DMTN: variants seen among roughly 807,000 people sequenced by gnomAD.
The protein encoded by DMTN is dematin.
Under a neutral mutation model 59.4 loss-of-function variants are expected in DMTN, and 27 were observed. That is an observed-to-expected ratio of 0.45 (90% CI 0.33 to 0.63). The LOEUF is 0.63. Ranked by LOEUF, DMTN falls within the 20% of genes least tolerant of loss-of-function variation. DMTN has a pLI of 0.02. For synonymous variants in DMTN, 221 were observed against 203.7 expected, an observed-to-expected ratio of 1.08 and a Z score of -0.72; for missense variants, 451 against 528.9, an observed-to-expected ratio of 0.85 and a Z score of 1.45.
upstream of DMTN, among the ~76,000 whole-genome samples, chr8:22,049,722 CCTCA>C (rs1251586010): frequency 2.0e-5 from 3 of 152,082 alleles, no homozygotes; most frequent in Non-Finnish European, 2.9e-5. Context: ...TTTCCCCTTC[CCTCA>C]CTGAGTCCTC....
Position 22,060,411 on chromosome 8 carries a change from T to TGG in DMTN, c.-172+3275_-172+3276insGG, listed in dbSNP as rs1200720994. Among the ~76,000 whole-genome samples, 4 of 142,664 alleles carry TGG rather than the reference T, an allele frequency of 2.8e-5. No homozygotes were observed. Among genetic ancestry groups the TGG allele is most frequent in the African/African-American group, 1.1e-4 (4 of 36,664 alleles). 93.6% of individuals were successfully genotyped at this position (142,664 alleles called of 152,430 possible). On this transcript the variant is annotated intron_variant, in intron 1 of 15. Transcript: ENST00000358242. The surrounding 1 kb of genome is among the most constrained non-coding windows in gnomAD (Gnocchi z 5.0). Reference sequence around the variant, plus strand: ...CTCTCTCTCTTTCTCTCTTTCTGTCTCGCTCTCTCTCTCTCTCTCTCCCCC... The same window carrying TGG: ...CTCTCTCTCTTTCTCTCTTTCTGTCTGGCGCTCTCTCTCTCTCTCTCTCCCCC...
upstream of DMTN, chr8:22,055,411 G>C: frequency 6.6e-6 from 1 of 152,378 alleles, no homozygotes; most frequent in East Asian, 1.9e-4. Flanking sequence ...CTTCCCCTCT[G>C]TCTCTCAGAC....
At chr8:22,054,398 G>C (rs1312145091), upstream of DMTN, among the ~76,000 whole-genome samples, 2 of 152,132 alleles carry the variant, frequency 1.3e-5, no homozygotes. Flanking sequence ...CAGGTGGAAT[G>C]AGAGAGGGTT....
chr8:22,061,780 A>ATC (rs1359660008), intron 1 of DMTN, among the ~76,000 whole-genome samples: 1 of 144,504 alleles, frequency 6.9e-6, no homozygotes, highest in Non-Finnish European at 1.5e-5. Flanking sequence ...TGGAGACAGA[A>ATC]TCTCACTCTG....
At chr8:22,081,283 G>A in intron 15 of DMTN, 67 bp from the exon 16 acceptor site, 1 of 1,596,686 alleles carries the variant, frequency 6.3e-7, no homozygotes, top group Non-Finnish European at 8.6e-7. Context: ...ATGAGTGAGT[G>A]TCCCCTAGGT....
In DMTN at chr8:22,066,720, C is replaced by T; in HGVS notation, c.-156C>T. Reference sequence around the variant, plus strand: ...CTCCCCGCAGCCTGGAGAGTCACCGCCGAGGGATGAGGACGCGCCAGCCCG... The same window carrying T: ...CTCCCCGCAGCCTGGAGAGTCACCGTCGAGGGATGAGGACGCGCCAGCCCG... On this transcript the variant is annotated 5_prime_UTR_variant, in exon 2 of 16. Transcript: ENST00000358242. The T allele has an allele frequency of 1.3e-6, 1 of 772,112 alleles. No individual in the cohort carries two copies. The highest frequency in any genetic ancestry group is 1.7e-6 in the Non-Finnish European group (1 of 575,058). The allele number at this position is 772,112 out of a possible 1,614,324, so 47.8% of individuals were successfully genotyped here.
chr8:22,064,459 C>T (rs1808907722), intron 1 of DMTN, among the ~76,000 whole-genome samples: 1 of 151,694 alleles, frequency 6.6e-6, no homozygotes, highest in African/African-American at 2.4e-5. Flanking sequence ...CTCTGATGGC[C>T]AGAGGTTTTT....
chr8:22,072,260 G>A, intron 8 of DMTN, 66 bp from the exon 9 acceptor site: 2 of 1,530,742 alleles, frequency 1.3e-6, no homozygotes, highest in African/African-American at 1.4e-5. Flanking sequence ...CAGAGGCTGT[G>A]CCATGTAAAC....
chr8:22,076,618 C>CTATA (rs749317570), intron 10 of DMTN, among the ~76,000 whole-genome samples: 7 of 147,900 alleles, frequency 4.7e-5, no homozygotes, highest in Admixed American at 6.8e-5. Flanking sequence ...ATATATGTCA[C>CTATA]TATATATATA....
rs1002196441 is a variant in DMTN at position 22,060,460 on chromosome 8, C to G, written c.-172+3324C>G. ...CCTCACACATGCGCACGCACACACA[C>G]ATATACACACACTCTTCTCCACCCC... On this transcript the variant is annotated intron_variant, in intron 1 of 15. Transcript: ENST00000358242. This position sits in a 1 kb window ranked among gnomAD's most constrained non-coding sequence, Gnocchi z 5.0. 6.6e-6 allele frequency among the ~76,000 whole-genome samples: 1 copy of G among 152,176 alleles called. No individual in the cohort carries two copies. Among genetic ancestry groups the G allele is most frequent in the African/African-American group, 2.4e-5 (1 of 41,432 alleles).
upstream of DMTN, among the ~76,000 whole-genome samples, chr8:22,052,463 G>A (rs73545537): frequency 0.021 from 3,158 of 152,222 alleles, 58 homozygotes; most frequent in African/African-American, 0.05. Context: ...AGACGTGGGT[G>A]GGGCGGGGGC....
At chr8:22,051,503 G>A (rs1054912433), upstream of DMTN, among the ~76,000 whole-genome samples, 2 of 152,042 alleles carry the variant, frequency 1.3e-5, no homozygotes, top group Admixed American at 6.6e-5. Flanking sequence ...AGCCCCAAGC[G>A]CTTGCTATGG....
At chr8:22,050,563 G>A (rs1277306904), upstream of DMTN, among the ~76,000 whole-genome samples, 1 of 133,284 alleles carries the variant, frequency 7.5e-6, no homozygotes, top group South Asian at 2.7e-4. Flanking sequence ...CCCCGGTACC[G>A]ACAGGCCTCT....
chr8:22,071,465 G>A (rs1020761790), intron 8 of DMTN, among the ~76,000 whole-genome samples: 4 of 151,900 alleles, frequency 2.6e-5, no homozygotes, highest in African/African-American at 9.7e-5. Context: ...CGAGATCTCG[G>A]CTCACTGCAA....
Position 22,069,453 on chromosome 8 carries a change from C to T in DMTN, c.329C>T (p.Ser110Phe). ...WADSRSPGII[S>F]QASAPRTTGT... ...GACAGCCGGTCGCCTGGAATCATCT[C>T]TCAGGCCTCGGCCCCCAGAACCACT... Residue 110 changes from serine (S) to phenylalanine (F), a missense_variant, in exon 6 of 16, where the codon TCT becomes TTT. Physicochemically the swap from Ser to Phe is radical, Grantham distance 155. Transcript: ENST00000358242. 1 of 1,613,452 alleles carries T rather than the reference C, an allele frequency of 6.2e-7. No individual in the cohort carries two copies. The highest frequency in any genetic ancestry group is 8.5e-7 in the Non-Finnish European group (1 of 1,179,646).
intron 8 of DMTN, among the ~76,000 whole-genome samples, chr8:22,070,567 A>G (rs974292731): frequency 6.6e-6 from 1 of 151,972 alleles, no homozygotes; most frequent in African/African-American, 2.4e-5. Flanking sequence ...CCATTCATTT[A>G]TTTCCTGACT....
intron 1 of DMTN, among the ~76,000 whole-genome samples, chr8:22,063,463 C>A (rs1808133520): frequency 6.6e-6 from 1 of 152,166 alleles, no homozygotes; most frequent in Non-Finnish European, 1.5e-5. Flanking sequence ...AGTTTTTGAG[C>A]CTTCTGTGCC....
chr8:22,067,695 C>T lies in DMTN; in HGVS notation c.249+13C>T, dbSNP rs374988915. 3.6e-5 allele frequency: 58 copies of T among 1,612,908 alleles called. No individual in the cohort carries two copies. The highest frequency in any genetic ancestry group is 4.7e-5 in the Non-Finnish European group (55 of 1,179,912). ...TCGCAGCCGCGAGGTGAGGGGGCTC[C>T]TCTTGGGCAGGACTCCGGGGGAGGC... On this transcript the variant is annotated intron_variant, in intron 4 of 15. Coordinates refer to ENST00000358242, the MANE Select transcript of DMTN (RefSeq NM_001387751.1).
In DMTN at chr8:22,082,263, A is replaced by G; in HGVS notation, c.*800A>G. ...TGGCTACCAGCTCTCACCTACACCCACGCACCCCCCCACACACTATGCTCT... is the reference window on the plus strand; with the variant it reads ...TGGCTACCAGCTCTCACCTACACCCGCGCACCCCCCCACACACTATGCTCT... On this transcript the variant is annotated 3_prime_UTR_variant, in exon 16 of 16. Transcript: ENST00000358242. 2.2e-6 allele frequency: 1 copy of G among 456,740 alleles called. No homozygotes were observed. The highest frequency in any genetic ancestry group is 4.4e-6 in the Non-Finnish European group (1 of 226,984). 28.3% of individuals were successfully genotyped at this position (456,740 alleles called of 1,614,324 possible).
Sources: allele counts gnomAD v4.1 joint callset (sites outside exome capture counted in the v4.1 genomes callset), GRCh38; gene constraint gnomAD v4.1.1; non-coding constraint Gnocchi (gnomAD v3.1); transcripts MANE v1.5; gene names NCBI Gene and HGNC (gene_info 2026-07-23, HGNC 2026-07-21).